The following SUGCT variants were observed in gnomAD, a reference collection of about 807,000 sequenced individuals.
The protein encoded by SUGCT is succinyl-CoA:glutarate CoA-transferase.
A neutral mutation model predicts 55.0 loss-of-function variants in SUGCT; 41 were observed. That is an observed-to-expected ratio of 0.74 (90% CI 0.58 to 0.97). SUGCT has a LOEUF of 0.97. Among genes scored for constraint, SUGCT ranks in the 50% least tolerant of loss-of-function variants. The pLI is 0.00. For synonymous variants in SUGCT, 187 were observed against 200.4 expected (o/e 0.93, Z 0.56); for missense variants, 568 against 547.8 (o/e 1.04, Z -0.37).
At chr7:40,383,075 C>T (rs1189217803) in intron 9 of SUGCT, among the ~76,000 whole-genome samples, 3 of 152,094 alleles carry the variant, frequency 2.0e-5, no homozygotes, top group Non-Finnish European at 4.4e-5. Flanking sequence ...AAAAGCATTA[C>T]GTGGAGGGAT....
rs370321312 is a variant in SUGCT, at chr7:40,213,266, G to A, written c.484+18206G>A. ...TGCATTTAATGATTATACCTCCTTC[G>A]ATTTCTCCAACATGTAACAGTTTCT... is the stretch of plus-strand genomic sequence containing the variant. On this transcript the variant is annotated intron_variant, in intron 6 of 13. Coordinates refer to ENST00000335693, the MANE Select transcript of SUGCT (RefSeq NM_001193313.2). Among the ~76,000 whole-genome samples the A allele has an allele frequency of 9.9e-4, 150 of 152,166 alleles. 4 individuals carry two copies. In the South Asian group the frequency reaches 0.024, roughly 24 times the overall value.
intron 13 of SUGCT, among the ~76,000 whole-genome samples, chr7:40,799,023 T>A (rs918118388): frequency 2.0e-5 from 3 of 152,160 alleles, no homozygotes; most frequent in Non-Finnish European, 4.4e-5. Flanking sequence ...AACGGGTGAA[T>A]CACTTTGCTC....
At chr7:40,488,739 A>G (rs545464980) in intron 11 of SUGCT, among the ~76,000 whole-genome samples, 4 of 152,288 alleles carry the variant, frequency 2.6e-5, no homozygotes, top group African/African-American at 7.2e-5. Context: ...TGGGTACAGT[A>G]TTCCTGGTTG....
chr7:40,759,988 C>T (rs1348221594), intron 13 of SUGCT, among the ~76,000 whole-genome samples: 2 of 152,044 alleles, frequency 1.3e-5, no homozygotes, highest in East Asian at 3.9e-4. Flanking sequence ...GACTACATTT[C>T]CCGCTAGTTG....
At chr7:40,946,732 G>C in the SUGCT span, among the ~76,000 whole-genome samples, 1 of 151,934 alleles carries the variant, frequency 6.6e-6, no homozygotes, top group South Asian at 2.1e-4. Flanking sequence ...TTTTTGGTTG[G>C]CAATTATTTT....
At chr7:40,373,688 A>C (rs1338342891) in intron 9 of SUGCT, among the ~76,000 whole-genome samples, 1 of 152,092 alleles carries the variant, frequency 6.6e-6, no homozygotes, top group Non-Finnish European at 1.5e-5. Flanking sequence ...TTTGGTAAGA[A>C]ACAACAAGAT....
intron 12 of SUGCT, among the ~76,000 whole-genome samples, chr7:40,676,258 T>C (rs746165766): frequency 6.6e-6 from 1 of 152,174 alleles, no homozygotes; most frequent in Admixed American, 6.5e-5. Flanking sequence ...TAGAGTATGC[T>C]TGGAAACAGT....
chr7:40,519,959 A>T (rs1309300828), intron 12 of SUGCT, among the ~76,000 whole-genome samples: 1 of 152,122 alleles, frequency 6.6e-6, no homozygotes, highest in African/African-American at 2.4e-5. Flanking sequence ...TGAGTAAATG[A>T]TAGAGTTACC....
chr7:40,597,348 G>A (rs896050139), intron 12 of SUGCT, among the ~76,000 whole-genome samples: 1 of 151,648 alleles, frequency 6.6e-6, no homozygotes, highest in African/African-American at 2.4e-5. Flanking sequence ...TTTTTTCCTA[G>A]AATCTTTCAG....
chr7:40,587,831 C>T (rs1797472682), intron 12 of SUGCT, among the ~76,000 whole-genome samples: 1 of 151,796 alleles, frequency 6.6e-6, no homozygotes, highest in African/African-American at 2.4e-5. Context: ...TATGAGACAA[C>T]AGTAAAATGG....
chr7:40,235,542 G>T (rs905192240), intron 6 of SUGCT, among the ~76,000 whole-genome samples: 1 of 152,140 alleles, frequency 6.6e-6, no homozygotes, highest in African/African-American at 2.4e-5. Flanking sequence ...GGCCAGGCTG[G>T]TTTCAAACTC....
chr7:40,700,239 A>C (rs1375031571), intron 12 of SUGCT, among the ~76,000 whole-genome samples: 3 of 152,178 alleles, frequency 2.0e-5, no homozygotes, highest in Admixed American at 1.3e-4. Flanking sequence ...TGGAGCATAC[A>C]TTAACTGAGT....
At chr7:40,507,827 G>T (rs1792693011) in intron 12 of SUGCT, among the ~76,000 whole-genome samples, 2 of 152,152 alleles carry the variant, frequency 1.3e-5, no homozygotes, top group African/African-American at 4.8e-5. Context: ...GAACATATGT[G>T]TACATCCTTT....
intron 8 of SUGCT, among the ~76,000 whole-genome samples, chr7:40,276,316 G>A (rs1230352427): frequency 2.0e-5 from 3 of 152,160 alleles, no homozygotes; most frequent in Non-Finnish European, 2.9e-5. Context: ...TAAGGAACCT[G>A]AGGTAGGGTA....
intron 11 of SUGCT, among the ~76,000 whole-genome samples, chr7:40,462,037 G>A (rs1269295522): frequency 2.6e-5 from 4 of 152,210 alleles, no homozygotes; most frequent in Non-Finnish European, 5.9e-5. Flanking sequence ...AGCACTAACT[G>A]TGTAGTAGGC....
intron 12 of SUGCT, among the ~76,000 whole-genome samples, chr7:40,723,680 TG>T (rs1786467190): frequency 6.6e-6 from 1 of 152,210 alleles, no homozygotes. Flanking sequence ...ATCTCTAATT[TG>T]TTTTTAAGAC....
chr7:40,235,675 A>G lies in SUGCT; in HGVS notation c.485-1960A>G, dbSNP rs997486038. ...ATTTTTGCACTCATTCATTCCTTCA[A>G]TAAATGTTATTGAACACTGTTCTAG... On this transcript the variant is annotated intron_variant, in intron 6 of 13. Transcript: ENST00000335693. Among the ~76,000 whole-genome samples the G allele has an allele frequency of 4.6e-5, 7 of 152,332 alleles. No individual in the cohort carries two copies. The East Asian group carries it at 1.2e-3, about 25-fold the overall frequency.
chr7:40,238,848 T>G (rs1789180189), intron 7 of SUGCT, among the ~76,000 whole-genome samples: 1 of 149,112 alleles, frequency 6.7e-6, no homozygotes. Flanking sequence ...TAAGTCAGAG[T>G]CTTGCTCTGT....
intron 12 of SUGCT, among the ~76,000 whole-genome samples, chr7:40,617,473 A>ATGTGTGTGTG (rs1437309315): frequency 8.2e-5 from 11 of 133,402 alleles, no homozygotes; most frequent in African/African-American, 2.9e-4. Flanking sequence ...GGTTAGATTT[A>ATGTGTGTGTG]TATGTGTGTG....
Sources: allele counts gnomAD v4.1 joint callset (sites outside exome capture counted in the v4.1 genomes callset), GRCh38; gene constraint gnomAD v4.1.1; transcripts MANE v1.5; gene names NCBI Gene and HGNC (gene_info 2026-07-23, HGNC 2026-07-21).